PIP4K2A: variants seen among roughly 807,000 people sequenced by gnomAD.
PIP4K2A encodes phosphatidylinositol 5-phosphate 4-kinase type-2 alpha.
A neutral mutation model predicts 42.9 loss-of-function variants in PIP4K2A; 14 were observed. The observed-to-expected ratio is 0.33, with a 90% CI of 0.22 to 0.51. PIP4K2A has a LOEUF of 0.51. Among genes scored for constraint, PIP4K2A ranks in the 20% least tolerant of loss-of-function variants. PIP4K2A has a pLI of 0.97. For missense variants in PIP4K2A, 434 were observed against 519.8 expected (o/e 0.83, Z 1.61); for synonymous variants, 192 against 192.2 (o/e 1.00, Z 0.01).
intron 6 of PIP4K2A, among the ~76,000 whole-genome samples, chr10:22,555,568 A>T (rs1564418756): frequency 2.0e-5 from 3 of 152,196 alleles, no homozygotes. Flanking sequence ...CCAGTTGCTT[A>T]GTCTGCCCAA....
chr10:22,626,073 C>T (rs1838428965), intron 1 of PIP4K2A, among the ~76,000 whole-genome samples: 1 of 152,056 alleles, frequency 6.6e-6, no homozygotes. Context: ...TTATAGCCAT[C>T]CTGCGTGGTC....
chr10:22,645,571 G>T (rs888749520), intron 1 of PIP4K2A, among the ~76,000 whole-genome samples: 2 of 145,576 alleles, frequency 1.4e-5, no homozygotes, highest in Admixed American at 6.8e-5. Context: ...AAAAAGAAAA[G>T]AAAAGAAAAG....
chr10:22,655,650 T>G (rs1839085566), intron 1 of PIP4K2A, among the ~76,000 whole-genome samples: 1 of 152,218 alleles, frequency 6.6e-6, no homozygotes, highest in Admixed American at 6.5e-5. Context: ...CGTTTCTCAT[T>G]TAAAAATTCT....
Position 22,559,147 on chromosome 10 carries a change from G to A in PIP4K2A, c.679-8375C>T, listed in dbSNP as rs558668850. Among the ~76,000 whole-genome samples, 6 of 152,246 alleles carry A rather than the reference G, an allele frequency of 3.9e-5. No homozygotes were observed. The East Asian group carries it at 9.6e-4, about 24-fold the overall frequency. On this transcript the variant is annotated intron_variant, in intron 6 of 9. Coordinates refer to ENST00000376573, the MANE Select transcript of PIP4K2A (RefSeq NM_005028.5). Reference sequence around the variant, plus strand: ...GAAATGTCAAAGGCTGAACACTCAAGGAGTTTGCTAACTCCTCTAGATCTC... The same window carrying A: ...GAAATGTCAAAGGCTGAACACTCAAAGAGTTTGCTAACTCCTCTAGATCTC...
intron 1 of PIP4K2A, among the ~76,000 whole-genome samples, chr10:22,636,471 T>C (rs1265728166): frequency 6.6e-6 from 1 of 152,180 alleles, no homozygotes; most frequent in Non-Finnish European, 1.5e-5. Flanking sequence ...CTATGTTCTC[T>C]AGGCTGGTCT....
Position 22,550,643 on chromosome 10 carries a change from C to T in PIP4K2A, c.792+16G>A, listed in dbSNP as rs759762848. 1.6e-6 allele frequency: 2 copies of T among 1,277,864 alleles called. No homozygotes were observed. Among genetic ancestry groups the T allele is most frequent in the Non-Finnish European group, 2.3e-6 (2 of 872,010 alleles). The allele number at this position is 1,277,864 out of a possible 1,614,324, so 79.2% of individuals were successfully genotyped here. ...ATTTATACAATGAGTCTGGCCTCTC[C>T]ACTGACTGTTCTTACCTCAACATCC... is the stretch of plus-strand genomic sequence containing the variant. On this transcript the variant is annotated intron_variant, in intron 7 of 9. Transcript: ENST00000376573.
chr10:22,586,270 A>T (rs1246146742), intron 4 of PIP4K2A, among the ~76,000 whole-genome samples: 1 of 152,190 alleles, frequency 6.6e-6, no homozygotes, highest in Non-Finnish European at 1.5e-5. Flanking sequence ...CTTTGCACAG[A>T]GTGAAAGCTA....
chr10:22,591,569 G>A (rs554997417), intron 4 of PIP4K2A, 60 bp downstream of exon 4: 3 of 1,309,180 alleles, frequency 2.3e-6, no homozygotes, highest in East Asian at 2.4e-5. Context: ...TGGCCTTGGT[G>A]AGAAATCGCT....
At chr10:22,640,582 C>T (rs1190063896) in intron 1 of PIP4K2A, among the ~76,000 whole-genome samples, 3 of 152,138 alleles carry the variant, frequency 2.0e-5, no homozygotes, top group Non-Finnish European at 4.4e-5. Context: ...TGCCCAGTGA[C>T]CCGTGCAGAG....
chr10:22,639,020 A>G (rs778015665), intron 1 of PIP4K2A, among the ~76,000 whole-genome samples: 4 of 152,180 alleles, frequency 2.6e-5, no homozygotes, highest in South Asian at 2.1e-4. Context: ...CAGAAGCCCT[A>G]GCCCATACCT....
At chr10:22,590,074 TC>T (rs1837477970) in intron 4 of PIP4K2A, among the ~76,000 whole-genome samples, 1 of 152,160 alleles carries the variant, frequency 6.6e-6, no homozygotes, top group African/African-American at 2.4e-5. Context: ...TTTGATCCTA[TC>T]CCACCCACCA....
In PIP4K2A at chr10:22,541,824, T is replaced by C. The variant is rs1268031447; in HGVS notation, c.1016A>G (p.Tyr339Cys). The C allele has an allele frequency of 6.4e-7, 1 of 1,561,064 alleles. No individual in the cohort carries two copies. The highest frequency in any genetic ancestry group is 8.7e-7 in the Non-Finnish European group (1 of 1,155,794). Reference sequence around the variant, plus strand: ...CTTACTTTCATGGCACTTAATTCCATAGACGTCGATGTTCGGATCGAACTC... The same window carrying C: ...CTTACTTTCATGGCACTTAATTCCACAGACGTCGATGTTCGGATCGAACTC... ...PGEFDPNIDVYGIKCHENSPR... is the reference protein window; with the variant it reads ...PGEFDPNIDVCGIKCHENSPR... Residue 339 changes from tyrosine (Y) to cysteine (C), a missense_variant, in exon 8 of 10, where the codon TAT (tyrosine) becomes TGT (cysteine). Around this residue, in one of 2 missense-constraint regions of PIP4K2A, gnomAD observed 395 missense variants for 444.5 expected, o/e 0.89. Coordinates refer to ENST00000376573, the MANE Select transcript of PIP4K2A (RefSeq NM_005028.5).
intron 7 of PIP4K2A, among the ~76,000 whole-genome samples, chr10:22,545,814 C>T (rs1370394402): frequency 6.6e-6 from 1 of 152,192 alleles, no homozygotes; most frequent in Non-Finnish European, 1.5e-5. Flanking sequence ...AAGCAATCCT[C>T]CTGCCTCACC....
intron 1 of PIP4K2A, among the ~76,000 whole-genome samples, chr10:22,619,907 T>A (rs1359419868): frequency 1.3e-5 from 2 of 152,336 alleles, no homozygotes; most frequent in East Asian, 3.9e-4. Context: ...GTTATTCTGA[T>A]ATCAAAGGTG....
At chr10:22,541,672 A>T (rs748481343) in intron 8 of PIP4K2A, 132 bp downstream of exon 8, 1 of 1,048,350 alleles carries the variant, frequency 9.5e-7, no homozygotes, top group Non-Finnish European at 1.4e-6. Flanking sequence ...CCCCAAATCC[A>T]TTTCTTTGGA....
intron 1 of PIP4K2A, among the ~76,000 whole-genome samples, chr10:22,677,939 A>T (rs1839589516): frequency 6.6e-6 from 1 of 152,188 alleles, no homozygotes; most frequent in Non-Finnish European, 1.5e-5. Context: ...TAGGCCACTA[A>T]GGGCTCTTAA....
intron 1 of PIP4K2A, among the ~76,000 whole-genome samples, chr10:22,685,747 G>C (rs764168037): frequency 2.6e-5 from 4 of 151,974 alleles, no homozygotes; most frequent in Non-Finnish European, 5.9e-5. Flanking sequence ...AGAAGAAGTG[G>C]GGGTGGCGGC....
At chr10:22,632,606 T>C (rs1188563483) in intron 1 of PIP4K2A, among the ~76,000 whole-genome samples, 2 of 152,336 alleles carry the variant, frequency 1.3e-5, no homozygotes, top group African/African-American at 2.4e-5. Context: ...CTCTATTCCA[T>C]GTGCAAGAAG....
intron 6 of PIP4K2A, 123 bp downstream of exon 6, chr10:22,567,728 C>G (rs1165594115): frequency 1.2e-6 from 1 of 841,086 alleles, no homozygotes; most frequent in South Asian, 1.3e-5. Flanking sequence ...CTGGTGGCAG[C>G]AGAATGGGGA....
Sources: allele counts gnomAD v4.1 joint callset (sites outside exome capture counted in the v4.1 genomes callset), GRCh38; gene constraint gnomAD v4.1.1; regional missense constraint gnomAD v4.1.1; transcripts MANE v1.5; gene names NCBI Gene and HGNC (gene_info 2026-07-23, HGNC 2026-07-21).